Variants in CSMD1 observed in about 807,000 individuals in gnomAD.
CSMD1 encodes the protein CUB and sushi domain-containing protein 1.
CSMD1 carries 213 observed loss-of-function variants against 417.5 expected under a neutral mutation model. The ratio of observed to expected loss-of-function variants is 0.51; its 90% confidence interval spans 0.46 to 0.57. The LOEUF is 0.57. Among genes scored for constraint, CSMD1 ranks in the 20% least tolerant of loss-of-function variants. The pLI, the probability that CSMD1 is intolerant of heterozygous loss-of-function variation, is 0.00. For synonymous variants in CSMD1, 2,862 were observed against 1,736.8 expected (o/e 1.65, Z -16.11); for missense variants, 6,923 against 4,529.7 (o/e 1.53, Z -15.17).
chr8:3,981,170 C>G (rs995428803), intron 5 of CSMD1, among the ~76,000 whole-genome samples: 1 of 152,194 alleles, frequency 6.6e-6, no homozygotes, highest in African/African-American at 2.4e-5. Flanking sequence ...GTACAAGAGA[C>G]TCCAAGAATG....
rs184455868 is a variant in CSMD1, at chr8:3,120,205, C to T, written c.6242-1618G>A. Among the ~76,000 whole-genome samples, 532 of 152,172 alleles carry T rather than the reference C, an allele frequency of 3.5e-3. 1 individual carries two copies. Among genetic ancestry groups the T allele is most frequent in the Middle Eastern group, 6.8e-3 (2 of 294 alleles). On this transcript the variant is annotated intron_variant, in intron 41 of 69. Transcript: ENST00000635120. ...AGATAGGACAGGGCAGAGGGGCCAG[C>T]AGACAGGGGATGGGAACACAAAGAG...
intron 5 of CSMD1, among the ~76,000 whole-genome samples, chr8:3,939,443 A>G (rs1236357382): frequency 6.6e-6 from 1 of 152,246 alleles, no homozygotes; most frequent in East Asian, 1.9e-4. Flanking sequence ...ACTATGAAAG[A>G]CAGTACGGAG....
chr8:3,687,264 C>G (rs1473030127), intron 7 of CSMD1, among the ~76,000 whole-genome samples: 4 of 152,168 alleles, frequency 2.6e-5, no homozygotes, highest in Non-Finnish European at 5.9e-5. Context: ...CTTAGCATTT[C>G]CAGGACCAAA....
intron 11 of CSMD1, among the ~76,000 whole-genome samples, chr8:3,476,902 A>G (rs77495138): frequency 0.6 from 85,583 of 142,410 alleles, 26,414 homozygotes; most frequent in Middle Eastern, 0.74. Flanking sequence ...AACAGAGCGA[A>G]ACTCCGCCTC....
intron 1 of CSMD1, among the ~76,000 whole-genome samples, chr8:4,935,921 T>G (rs569760012): frequency 6.6e-6 from 1 of 152,348 alleles, no homozygotes; most frequent in Admixed American, 6.5e-5. Flanking sequence ...TGCTCCTGGA[T>G]GCCACGCTGC....
intron 3 of CSMD1, among the ~76,000 whole-genome samples, chr8:4,363,575 C>T (rs1320445324): frequency 2.6e-5 from 4 of 152,086 alleles, no homozygotes; most frequent in Non-Finnish European, 5.9e-5. Flanking sequence ...ACAGGAGCGC[C>T]ATCTGCCTGG....
chr8:3,659,615 C>G (rs575165513), intron 7 of CSMD1, among the ~76,000 whole-genome samples: 27 of 152,202 alleles, frequency 1.8e-4, no homozygotes, highest in Admixed American at 3.9e-4. Context: ...GGATTTCCCA[C>G]TAGAGGAGAA....
At position 4,170,465 on chromosome 8, in the gene CSMD1, G is replaced by A. The variant is rs916584064; in HGVS notation, c.416-138366C>T. ...ACTTCCCCTTTTTCCTAATCTATAG[G>A]TGCCTCTACTTCCTTCTGACTGTAA... On this transcript the variant is annotated intron_variant, in intron 3 of 69. Transcript: ENST00000635120. 2.0e-5 allele frequency among the ~76,000 whole-genome samples: 3 copies of A among 151,780 alleles called. 1 individual carries two copies. The highest frequency in any genetic ancestry group is 7.3e-5 in the African/African-American group (3 of 41,092).
At chr8:4,822,498 C>T (rs1375853417) in intron 1 of CSMD1, among the ~76,000 whole-genome samples, 2 of 152,056 alleles carry the variant, frequency 1.3e-5, no homozygotes, top group African/African-American at 4.8e-5. Context: ...AGATGTTTCT[C>T]ATTTACCTGG....
chr8:3,981,940 G>C (rs933329175), intron 5 of CSMD1, among the ~76,000 whole-genome samples: 4 of 152,122 alleles, frequency 2.6e-5, no homozygotes, highest in Admixed American at 2.6e-4. Context: ...GGGAGGCCGA[G>C]GCAGGTGGAT....
intron 10 of CSMD1, among the ~76,000 whole-genome samples, chr8:3,494,547 G>C (rs1445025645): frequency 2.1e-5 from 3 of 142,150 alleles, no homozygotes; most frequent in Non-Finnish European, 3.0e-5. Context: ...GATACAGACA[G>C]ATTAGATGAT....
chr8:4,031,502 T>C (rs1245707470), intron 4 of CSMD1, among the ~76,000 whole-genome samples: 1 of 152,132 alleles, frequency 6.6e-6, no homozygotes. Context: ...AATTACCTTC[T>C]ACCAGGTTCC....
intron 3 of CSMD1, among the ~76,000 whole-genome samples, chr8:4,206,313 T>G (rs1271926075): frequency 2.0e-5 from 3 of 152,158 alleles, no homozygotes; most frequent in Non-Finnish European, 4.4e-5. Flanking sequence ...TCATTTACAT[T>G]AGGTATATCT....
At chr8:4,449,285 G>A (rs1563186377) in intron 2 of CSMD1, among the ~76,000 whole-genome samples, 1 of 152,158 alleles carries the variant, frequency 6.6e-6, no homozygotes, top group Admixed American at 6.6e-5. Flanking sequence ...ACTCAGAAAT[G>A]TTTTACCAGG....
chr8:3,008,762 T>C (rs370049235), intron 52 of CSMD1, among the ~76,000 whole-genome samples: 1 of 152,218 alleles, frequency 6.6e-6, no homozygotes, highest in South Asian at 2.1e-4. Context: ...CTTTTGCTAC[T>C]GAAAGGAGTT....
chr8:3,878,620 C>G (rs1364691780), intron 5 of CSMD1, among the ~76,000 whole-genome samples: 2 of 152,162 alleles, frequency 1.3e-5, no homozygotes, highest in Admixed American at 6.5e-5. Context: ...AGATCTATCT[C>G]TGTTTATTGA....
At chr8:3,540,896 T>C (rs1474786151) in intron 10 of CSMD1, among the ~76,000 whole-genome samples, 1 of 152,218 alleles carries the variant, frequency 6.6e-6, no homozygotes, top group Non-Finnish European at 1.5e-5. Flanking sequence ...CCGGCGAGGC[T>C]GTGGAGAAAC....
intron 30 of CSMD1, among the ~76,000 whole-genome samples, chr8:3,210,021 A>G (rs572065033): frequency 2.2e-4 from 34 of 152,352 alleles, no homozygotes; most frequent in African/African-American, 7.9e-4. Flanking sequence ...TAATAGACGA[A>G]TAACCAGGAA....
At chr8:3,798,917 G>C (rs1800309683) in intron 5 of CSMD1, among the ~76,000 whole-genome samples, 1 of 151,930 alleles carries the variant, frequency 6.6e-6, no homozygotes, top group Non-Finnish European at 1.5e-5. Context: ...GAAATGTGGA[G>C]TCAAGCTAAA....
Sources: gnomAD v4.1 joint callset for allele counts (sites outside exome capture counted in the v4.1 genomes callset) on GRCh38, gnomAD v4.1.1 for gene constraint, MANE v1.5 for transcripts, NCBI Gene and HGNC (gene_info 2026-07-23, HGNC 2026-07-21) for gene names.